ATE1: variants seen among roughly 807,000 people sequenced by gnomAD.
ATE1 encodes arginyl-tRNA--protein transferase 1.
ATE1 carries 36 observed loss-of-function variants against 70.5 expected under a neutral mutation model. That is an observed-to-expected ratio of 0.51 (90% CI 0.39 to 0.67). ATE1 has a LOEUF of 0.67. Among genes scored for constraint, ATE1 ranks in the 30% least tolerant of loss-of-function variants. The pLI is 0.00. For synonymous variants in ATE1, 232 were observed against 219.3 expected (o/e 1.06, Z -0.51); for missense variants, 593 against 629.5 (o/e 0.94, Z 0.62).
intron 7 of ATE1, among the ~76,000 whole-genome samples, chr10:121,874,164 A>T (rs1949953793): frequency 6.6e-6 from 1 of 152,194 alleles, no homozygotes. Flanking sequence ...ACCTCATTGT[A>T]AAATACTAAA....
intron 8 of ATE1, among the ~76,000 whole-genome samples, chr10:121,860,513 AG>A (rs1183689668): frequency 6.6e-6 from 1 of 152,250 alleles, no homozygotes; most frequent in Non-Finnish European, 1.5e-5. Flanking sequence ...GAAAGCAAAA[AG>A]GTTTACCCCA....
At chr10:121,847,331 C>T (rs1948866421) in intron 8 of ATE1, among the ~76,000 whole-genome samples, 1 of 151,964 alleles carries the variant, frequency 6.6e-6, no homozygotes, top group Non-Finnish European at 1.5e-5. Flanking sequence ...ACCTGTAATC[C>T]CAGTTACTCA....
At chr10:121,872,709 A>G (rs1290380856) in intron 7 of ATE1, among the ~76,000 whole-genome samples, 1 of 152,136 alleles carries the variant, frequency 6.6e-6, no homozygotes, top group Non-Finnish European at 1.5e-5. Context: ...ATGTCTGATT[A>G]CTATTAAAAA....
Position 121,836,749 on chromosome 10 carries a change from T to C in ATE1, c.1226A>G (p.Tyr409Cys). Reference sequence around the variant, plus strand: ...TTTCATCTTGGGACATGAATGAATGTAGAAACCCATATAATAATAGCTGAG... The same window carrying C: ...TTTCATCTTGGGACATGAATGAATGCAGAAACCCATATAATAATAGCTGAG... ...SQLSYYYMGF[Y>C]IHSCPKMKYK... Residue 409 changes from tyrosine to cysteine, a missense_variant, in exon 10 of 12, where the codon TAC (tyrosine) becomes TGC (cysteine). Tyr to Cys is a radical substitution (Grantham distance 194). This residue lies in a region of ATE1 where 36 missense variants were observed against 66.3 expected (regional missense o/e 0.54). Transcript: ENST00000224652. The C allele has an allele frequency of 6.3e-7, 1 of 1,595,784 alleles. No individual in the cohort carries two copies. Among genetic ancestry groups the C allele is most frequent in the Non-Finnish European group, 8.5e-7 (1 of 1,170,472 alleles).
chr10:121,802,717 AC>A (rs1313589437), intron 10 of ATE1, among the ~76,000 whole-genome samples: 1 of 152,096 alleles, frequency 6.6e-6, no homozygotes, highest in Non-Finnish European at 1.5e-5. Flanking sequence ...CCCAGGCTGA[AC>A]CATCCCCTGT....
intron 10 of ATE1, among the ~76,000 whole-genome samples, chr10:121,835,652 C>T (rs1440210178): frequency 2.0e-5 from 3 of 152,002 alleles, no homozygotes; most frequent in Admixed American, 6.6e-5. Flanking sequence ...TATTTGGAAA[C>T]GCTGCTAATA....
At chr10:121,890,819 T>C (rs1271760175) in intron 7 of ATE1, among the ~76,000 whole-genome samples, 3 of 152,212 alleles carry the variant, frequency 2.0e-5, no homozygotes, top group African/African-American at 7.2e-5. Flanking sequence ...TACTGTATTA[T>C]AAACGAGACA....
chr10:121,928,201 G>A (rs1952184655), upstream of ATE1: 2 of 1,326,140 alleles, frequency 1.5e-6, no homozygotes, highest in South Asian at 3.6e-5. Flanking sequence ...GGGTGAGGCG[G>A]AGAGACAGAG....
In ATE1 at chr10:121,758,635, GGTTT is replaced by G. The variant is rs547997600; in HGVS notation, c.1379-14781_1379-14778del. On this transcript the variant is annotated intron_variant, in intron 11 of 11. Coordinates refer to ENST00000224652, the MANE Select transcript of ATE1 (RefSeq NM_001001976.3). ...TTTAGTGTGCTTCTCAGATATTGAG[GGTTT>G]GTTTGTTTGTTTGTTTGTTTTTACA... is the stretch of plus-strand genomic sequence containing the variant. Among the ~76,000 whole-genome samples the G allele has an allele frequency of 2.2e-3, 331 of 152,136 alleles. 1 individual carries two copies. The highest frequency in any genetic ancestry group is 4.6e-3 in the Admixed American group (70 of 15,276).
chr10:121,920,897 GGC>G (rs1702439279), intron 3 of ATE1, among the ~76,000 whole-genome samples: 2 of 152,004 alleles, frequency 1.3e-5, no homozygotes, highest in Admixed American at 6.6e-5. Context: ...GGGAGGCTGA[GGC>G]AGGAGAATCA....
At chr10:121,839,342 G>C (rs1261498901) in intron 9 of ATE1, among the ~76,000 whole-genome samples, 2 of 152,158 alleles carry the variant, frequency 1.3e-5, no homozygotes, top group African/African-American at 2.4e-5. Flanking sequence ...ACACAGGCCA[G>C]AGCTTATTAT....
At chr10:121,894,328 A>T (rs897178609) in intron 7 of ATE1, among the ~76,000 whole-genome samples, 14 of 152,148 alleles carry the variant, frequency 9.2e-5, no homozygotes, top group Non-Finnish European at 1.0e-4. Flanking sequence ...ACAAAAACCC[A>T]GGTCAATTAC....
chr10:121,859,410 C>T (rs1949387094), intron 8 of ATE1, among the ~76,000 whole-genome samples: 1 of 151,582 alleles, frequency 6.6e-6, no homozygotes, highest in African/African-American at 2.4e-5. Context: ...GCGCCCACCA[C>T]TACGCCCGGC....
chr10:121,789,008 G>A (rs1015968675), intron 11 of ATE1, among the ~76,000 whole-genome samples: 2 of 152,194 alleles, frequency 1.3e-5, no homozygotes, highest in Non-Finnish European at 2.9e-5. Context: ...ATTTTGCAGA[G>A]AGGGATCACA....
intron 10 of ATE1, among the ~76,000 whole-genome samples, chr10:121,832,562 A>C (rs1466194551): frequency 6.6e-6 from 1 of 152,260 alleles, no homozygotes; most frequent in South Asian, 2.1e-4. Flanking sequence ...ATGGTAGTGA[A>C]TGTCTCACGA....
At chr10:121,817,890 G>A (rs373000385) in intron 10 of ATE1, among the ~76,000 whole-genome samples, 1 of 151,956 alleles carries the variant, frequency 6.6e-6, no homozygotes, top group Non-Finnish European at 1.5e-5. Flanking sequence ...GTAAAGAAGG[G>A]ATTAAAAATA....
intron 10 of ATE1, among the ~76,000 whole-genome samples, chr10:121,806,622 A>G (rs1947108990): frequency 6.6e-6 from 1 of 152,204 alleles, no homozygotes; most frequent in African/African-American, 2.4e-5. Flanking sequence ...GAGAATGACA[A>G]TGATGTTGCA....
At chr10:121,777,701 G>A (rs1159420892) in intron 11 of ATE1, among the ~76,000 whole-genome samples, 1 of 152,256 alleles carries the variant, frequency 6.6e-6, no homozygotes, top group South Asian at 2.1e-4. Context: ...GATTTTCTAT[G>A]TAAACAATAA....
At chr10:121,841,045 T>C (rs750545534) in intron 9 of ATE1, 37 bp downstream of exon 9, 14 of 1,434,666 alleles carry the variant, frequency 9.8e-6, no homozygotes, top group African/African-American at 1.4e-5. Flanking sequence ...TGAAGTTCTA[T>C]ATAACCCACT....
Sources: allele counts gnomAD v4.1 joint callset (sites outside exome capture counted in the v4.1 genomes callset), GRCh38; gene constraint gnomAD v4.1.1; regional missense constraint gnomAD v4.1.1; transcripts MANE v1.5; gene names NCBI Gene and HGNC (gene_info 2026-07-23, HGNC 2026-07-21).